The following LPIN2 variants were observed in gnomAD, a reference collection of about 807,000 sequenced individuals.
LPIN2 encodes the protein phosphatidate phosphatase LPIN2.
In LPIN2, 55 loss-of-function variants were observed where a neutral mutation model predicts 111.4. The observed-to-expected ratio is 0.49, with a 90% CI of 0.40 to 0.62. The LOEUF (loss-of-function observed/expected upper bound fraction) is 0.62. Among genes scored for constraint, LPIN2 ranks in the 20% least tolerant of loss-of-function variants. LPIN2 has a pLI of 0.00. For synonymous variants in LPIN2, 425 were observed against 414.0 expected (o/e 1.03, Z -0.32); for missense variants, 992 against 1,112.1 (o/e 0.89, Z 1.54).
At chr18:2,988,328 A>G (rs923188461) in intron 1 of LPIN2, among the ~76,000 whole-genome samples, 4 of 152,248 alleles carry the variant, frequency 2.6e-5, no homozygotes, top group Non-Finnish European at 5.9e-5. Flanking sequence ...CTATGAGAAT[A>G]AAGAATTTAG....
At chr18:2,999,694 T>C (rs2078401612) in intron 1 of LPIN2, among the ~76,000 whole-genome samples, 1 of 151,058 alleles carries the variant, frequency 6.6e-6, no homozygotes, top group South Asian at 2.1e-4. Flanking sequence ...GAGATTGGGG[T>C]GATGCATCTG....
At chr18:3,000,564 T>A (rs2078419657) in intron 1 of LPIN2, among the ~76,000 whole-genome samples, 1 of 152,226 alleles carries the variant, frequency 6.6e-6, no homozygotes, top group Non-Finnish European at 1.5e-5. Context: ...ATGCCCTCCA[T>A]CAGATGTACG....
At chr18:2,961,162 C>T (rs528578858) in intron 1 of LPIN2, among the ~76,000 whole-genome samples, 1 of 152,260 alleles carries the variant, frequency 6.6e-6, no homozygotes, top group South Asian at 2.1e-4. Flanking sequence ...AGTTCAGGAT[C>T]AGCACAGAAT....
At position 2,917,264 on chromosome 18, in the gene LPIN2, A is replaced by G. The variant is rs956554051; in HGVS notation, c.*3029T>C. 2.6e-5 allele frequency: 4 copies of G among 152,256 alleles called. No individual in the cohort carries two copies. The highest frequency in any genetic ancestry group is 9.6e-5 in the African/African-American group (4 of 41,472). The allele number at this position is 152,256 out of a possible 1,614,324, so 9.4% of individuals were successfully genotyped here. On this transcript the variant is annotated 3_prime_UTR_variant, in exon 20 of 20. Coordinates refer to ENST00000677752, the MANE Select transcript of LPIN2 (RefSeq NM_001375808.2). ...TACTTTCAAACAAAACCAAAAGAGT[A>G]GTTTTCATCTGGAAAGAGCACTTAC...
At chr18:2,923,458 A>G (rs999538083) in intron 16 of LPIN2, among the ~76,000 whole-genome samples, 1 of 150,868 alleles carries the variant, frequency 6.6e-6, no homozygotes, top group Non-Finnish European at 1.5e-5. Context: ...AATTTAAAAT[A>G]CCCAGAAAAT....
At chr18:2,937,562 A>G in intron 7 of LPIN2, 130 bp downstream of exon 7, 2 of 704,842 alleles carry the variant, frequency 2.8e-6, no homozygotes, top group East Asian at 5.6e-5. Flanking sequence ...AAAAAAAAAA[A>G]AAAAAAAAAG....
intron 4 of LPIN2, chr18:2,946,271 T>A (rs1246548946): frequency 6.5e-7 from 1 of 1,544,472 alleles, no homozygotes; most frequent in Non-Finnish European, 9.0e-7. Context: ...AAATTTTGGT[T>A]TTAATTCAGA....
chr18:2,937,300 T>C (rs192199539), intron 7 of LPIN2, among the ~76,000 whole-genome samples: 4 of 151,850 alleles, frequency 2.6e-5, no homozygotes, highest in Non-Finnish European at 2.9e-5. Context: ...TCCCAGCACT[T>C]TGGGAGGCCG....
At position 2,924,441 on chromosome 18, in the gene LPIN2, T is replaced by C; in HGVS notation, c.2044A>G (p.Asn682Asp). Residue 682 changes from asparagine to aspartate, a missense_variant, in exon 15 of 20, where the codon AAT (asparagine) becomes GAT (aspartate). Transcript: ENST00000677752. ...ATATCAGAAATGATGATCTTGTCAT[T>C]CCAGTTCCACAGGTAAATGGTCCCT... ...CAGTIYLWNW[N>D]DKIIISDIDG... 11 of 1,614,188 alleles carry C rather than the reference T, an allele frequency of 6.8e-6. No homozygotes were observed. The highest frequency in any genetic ancestry group is 1.7e-5 in the Admixed American group (1 of 60,030).
chr18:2,931,079 G>A (rs969380445), intron 9 of LPIN2, among the ~76,000 whole-genome samples, 177 bp downstream of exon 9: 1 of 152,152 alleles, frequency 6.6e-6, no homozygotes, highest in Non-Finnish European at 1.5e-5. Context: ...CCATAAAGAG[G>A]TGTCAATTAA....
intron 1 of LPIN2, among the ~76,000 whole-genome samples, chr18:2,965,817 T>C (rs1247733507): frequency 1.3e-5 from 2 of 152,004 alleles, no homozygotes; most frequent in Non-Finnish European, 2.9e-5. Flanking sequence ...TTTCAATTAT[T>C]TGATGTGTTC....
intron 1 of LPIN2, among the ~76,000 whole-genome samples, chr18:2,985,889 T>A (rs539393531): frequency 6.6e-6 from 1 of 152,256 alleles, no homozygotes; most frequent in Non-Finnish European, 1.5e-5. Context: ...AAACTAAGTT[T>A]TGATTATTAA....
Position 2,920,028 on chromosome 18 carries a change from G to A in LPIN2, c.*265C>T. 1 of 561,190 alleles carries A rather than the reference G, an allele frequency of 1.8e-6. No individual in the cohort carries two copies. 34.8% of individuals were successfully genotyped at this position (561,190 alleles called of 1,614,324 possible). ...TGGAAGGAGGCCCCAGCTCACAGCAGGAAACATGTGTGCGACCCACAAAGG... is the reference window on the plus strand; with the variant it reads ...TGGAAGGAGGCCCCAGCTCACAGCAAGAAACATGTGTGCGACCCACAAAGG... On this transcript the variant is annotated 3_prime_UTR_variant, in exon 20 of 20. Coordinates refer to ENST00000677752, the MANE Select transcript of LPIN2 (RefSeq NM_001375808.2).
chr18:2,983,283 C>T (rs1567853259), intron 1 of LPIN2, among the ~76,000 whole-genome samples: 1 of 152,200 alleles, frequency 6.6e-6, no homozygotes, highest in Non-Finnish European at 1.5e-5. Flanking sequence ...CTACTGAACA[C>T]TTTTCCTTTG....
chr18:3,011,017 A>G (rs1158884830), intron 1 of LPIN2, among the ~76,000 whole-genome samples: 1 of 152,132 alleles, frequency 6.6e-6, no homozygotes, highest in East Asian at 1.9e-4. Flanking sequence ...GTCTACCTTC[A>G]TTCAACAGAC....
chr18:2,928,428 A>G (rs1055343070), intron 11 of LPIN2, among the ~76,000 whole-genome samples, 163 bp downstream of exon 11: 2 of 152,260 alleles, frequency 1.3e-5, no homozygotes, highest in East Asian at 1.9e-4. Flanking sequence ...TGGGCATGAG[A>G]TATTTTTAGT....
At position 2,951,308 on chromosome 18, in the gene LPIN2, G is replaced by C; in HGVS notation, c.337C>G (p.Gln113Glu). 6.2e-7 allele frequency: 1 copy of C among 1,614,078 alleles called. No homozygotes were observed. Among genetic ancestry groups the C allele is most frequent in the Non-Finnish European group, 8.5e-7 (1 of 1,180,010 alleles). Residue 113 changes from glutamine to glutamate, a missense_variant, in exon 4 of 20, where the codon CAG (glutamine) becomes GAG (glutamate). This residue lies in a region of LPIN2 where 709 missense variants were observed against 753.2 expected (regional missense o/e 0.94). Coordinates refer to ENST00000677752, the MANE Select transcript of LPIN2 (RefSeq NM_001375808.2). ...GGGGTGTCAATATCTTTAAAGAACT[G>C]ATCTTCAGTAGGAATTGGTGAGGTG... ...LATSPIPTED[Q>E]FFKDIDTPLV... is the part of the protein sequence containing the mutation.
At chr18:2,929,815 C>T (rs2077188305) in intron 9 of LPIN2, among the ~76,000 whole-genome samples, 2 of 152,028 alleles carry the variant, frequency 1.3e-5, no homozygotes, top group African/African-American at 4.8e-5. Context: ...CTGAGGCAGG[C>T]GTGACAATCA....
intron 1 of LPIN2, chr18:2,982,638 G>C: frequency 9.2e-7 from 1 of 1,089,636 alleles, no homozygotes; most frequent in Non-Finnish European, 1.3e-6. Flanking sequence ...AGCAGCGAAG[G>C]GAGCAGGGAC....
Sources: gnomAD v4.1 joint callset for allele counts (sites outside exome capture counted in the v4.1 genomes callset) on GRCh38, gnomAD v4.1.1 for gene constraint, gnomAD v4.1.1 regional missense constraint, MANE v1.5 for transcripts, NCBI Gene and HGNC (gene_info 2026-07-23, HGNC 2026-07-21) for gene names.